RBFOX1: variants seen among roughly 807,000 people sequenced by gnomAD.
RBFOX1 encodes the protein RNA binding fox-1 homolog 1, also known as RNA binding protein fox-1 homolog 1.
In RBFOX1, 8 loss-of-function variants were observed where a neutral mutation model predicts 57.7. That is an observed-to-expected ratio of 0.14 (90% CI 0.08 to 0.25). The LOEUF is 0.25. Among genes scored for constraint, RBFOX1 ranks in the 10% least tolerant of loss-of-function variants. The pLI is 1.00. For missense variants in RBFOX1, 611 were observed against 548.5 expected (o/e 1.11, Z -1.14); for synonymous variants, 326 against 222.4 (o/e 1.47, Z -4.15).
At chr16:7,561,369 A>C (rs979527610) in intron 5 of RBFOX1, among the ~76,000 whole-genome samples, 1 of 152,368 alleles carries the variant, frequency 6.6e-6, no homozygotes, top group Non-Finnish European at 1.5e-5. Flanking sequence ...TGAAGAGACA[A>C]GTAGAAAGGA....
At chr16:6,620,449 G>T (rs1362896359) in intron 2 of RBFOX1, among the ~76,000 whole-genome samples, 1 of 152,100 alleles carries the variant, frequency 6.6e-6, no homozygotes, top group Non-Finnish European at 1.5e-5. Flanking sequence ...GGAGAAACAA[G>T]AGCAAACAAA....
At chr16:6,069,129 C>T (rs2095803262) in intron 1 of RBFOX1, among the ~76,000 whole-genome samples, 1 of 152,010 alleles carries the variant, frequency 6.6e-6, no homozygotes, top group Admixed American at 6.6e-5. Context: ...CCGGGCACGG[C>T]GGCTGACGCA....
intron 3 of RBFOX1, among the ~76,000 whole-genome samples, chr16:5,631,400 T>C (rs762808908): frequency 8.6e-5 from 13 of 151,974 alleles, no homozygotes; most frequent in Middle Eastern, 3.2e-3. Flanking sequence ...CTATTAAAAA[T>C]ACAAAAATTA....
At chr16:5,814,261 C>T (rs2055540045) in intron 3 of RBFOX1, among the ~76,000 whole-genome samples, 1 of 152,060 alleles carries the variant, frequency 6.6e-6, no homozygotes, top group African/African-American at 2.4e-5. Flanking sequence ...ATCACTGTTA[C>T]CTTGCATGCT....
At chr16:6,982,856 G>A (rs953831674) in intron 3 of RBFOX1, among the ~76,000 whole-genome samples, 48 of 152,100 alleles carry the variant, frequency 3.2e-4, no homozygotes, top group Middle Eastern at 3.4e-3. Flanking sequence ...AGCTGGGCAT[G>A]GTGGCGGATG....
intron 3 of RBFOX1, among the ~76,000 whole-genome samples, chr16:6,822,280 C>G (rs118106255): frequency 1.3e-5 from 2 of 152,240 alleles, no homozygotes; most frequent in Admixed American, 1.3e-4. Flanking sequence ...TCTGCCTTTT[C>G]CATTCTATCA....
chr16:6,769,872 G>T (rs1015363335), intron 3 of RBFOX1, among the ~76,000 whole-genome samples: 3 of 152,184 alleles, frequency 2.0e-5, no homozygotes, highest in African/African-American at 4.8e-5. Flanking sequence ...GATTTGTTTG[G>T]AGCGATTTGA....
intron 2 of RBFOX1, among the ~76,000 whole-genome samples, chr16:6,536,145 A>G (rs998739957): frequency 6.6e-6 from 1 of 152,206 alleles, no homozygotes; most frequent in African/African-American, 2.4e-5. Context: ...ACAAATCATC[A>G]CAAGACCACA....
intron 3 of RBFOX1, among the ~76,000 whole-genome samples, chr16:5,744,676 A>G (rs997833607): frequency 1.1e-4 from 16 of 152,208 alleles, no homozygotes; most frequent in Middle Eastern, 3.2e-3. Flanking sequence ...AAATGAAATA[A>G]AAGGCTTTTG....
chr16:5,749,884 T>C lies in RBFOX1; in HGVS notation c.319-117419T>C, dbSNP rs376127361. Among the ~76,000 whole-genome samples the C allele has an allele frequency of 9.8e-5, 15 of 152,324 alleles. No homozygotes were observed. In the South Asian group the frequency reaches 2.3e-3, roughly 23 times the overall value. On this transcript the variant is annotated intron_variant, in intron 3 of 19. Transcript: ENST00000641259. Reference sequence around the variant, plus strand: ...CTCAACTCGTCGAAGTCATTCTCCGTCTAGCTTTTTTCCATTGCTGGTGAG... The same window carrying C: ...CTCAACTCGTCGAAGTCATTCTCCGCCTAGCTTTTTTCCATTGCTGGTGAG...
intron 4 of RBFOX1, among the ~76,000 whole-genome samples, chr16:6,008,874 G>A (rs2094943011): frequency 6.6e-6 from 1 of 152,190 alleles, no homozygotes; most frequent in Non-Finnish European, 1.5e-5. Context: ...TGGCAAGCAA[G>A]CTCGTCTTAG....
chr16:6,149,224 C>A (rs959367143), intron 1 of RBFOX1, among the ~76,000 whole-genome samples: 1 of 152,136 alleles, frequency 6.6e-6, no homozygotes, highest in African/African-American at 2.4e-5. Flanking sequence ...TGTGTGTGCG[C>A]GCGCGTGCGC....
chr16:5,272,417 T>C (rs1309615749), intron 1 of RBFOX1, among the ~76,000 whole-genome samples: 1 of 152,204 alleles, frequency 6.6e-6, no homozygotes, highest in Non-Finnish European at 1.5e-5. Context: ...AACTGGAACA[T>C]GCACCAAGGC....
intron 3 of RBFOX1, among the ~76,000 whole-genome samples, chr16:7,030,309 A>G (rs1441627555): frequency 6.6e-6 from 1 of 152,176 alleles, no homozygotes; most frequent in Non-Finnish European, 1.5e-5. Flanking sequence ...AGATGAGGAA[A>G]TGAGGCATAT....
At chr16:7,309,209 T>C (rs1339827929) in intron 4 of RBFOX1, among the ~76,000 whole-genome samples, 2 of 152,226 alleles carry the variant, frequency 1.3e-5, no homozygotes, top group South Asian at 2.1e-4. Context: ...CTCTGATCTT[T>C]TCCGATTAAG....
intron 4 of RBFOX1, among the ~76,000 whole-genome samples, chr16:7,342,337 G>A (rs1170859893): frequency 6.6e-6 from 1 of 152,124 alleles, no homozygotes; most frequent in Admixed American, 6.5e-5. Flanking sequence ...TTCCCACTCA[G>A]ACGCATCTGA....
chr16:7,033,893 T>C (rs2043493192), intron 3 of RBFOX1, among the ~76,000 whole-genome samples: 1 of 152,144 alleles, frequency 6.6e-6, no homozygotes, highest in Non-Finnish European at 1.5e-5. Flanking sequence ...TATTTGAGCC[T>C]GGGAAGTTCA....
chr16:6,626,256 C>A (rs985963294), intron 2 of RBFOX1, among the ~76,000 whole-genome samples: 1 of 151,814 alleles, frequency 6.6e-6, no homozygotes, highest in East Asian at 1.9e-4. Context: ...CAAATGTTGC[C>A]CGGGTGTCCT....
At chr16:7,690,324 C>A (rs1374417177) in intron 14 of RBFOX1, among the ~76,000 whole-genome samples, 1 of 152,110 alleles carries the variant, frequency 6.6e-6, no homozygotes, top group Non-Finnish European at 1.5e-5. Flanking sequence ...ATTAGAATCA[C>A]TTGGAAGCAT....
Sources: allele counts gnomAD v4.1 joint callset (sites outside exome capture counted in the v4.1 genomes callset), GRCh38; gene constraint gnomAD v4.1.1; transcripts MANE v1.5; gene names NCBI Gene and HGNC (gene_info 2026-07-23, HGNC 2026-07-21).